RASL10B: variants seen among roughly 807,000 people sequenced by gnomAD.
RASL10B encodes ras-like protein family member 10B.
In RASL10B, 10 loss-of-function variants were observed where a neutral mutation model predicts 20.7. The ratio of observed to expected loss-of-function variants is 0.48; its 90% CI spans 0.30 to 0.82. The LOEUF is 0.82. RASL10B is among the 40% of genes least tolerant of loss of function. The pLI is 0.07. For missense variants in RASL10B, 231 were observed against 295.4 expected, an observed-to-expected ratio of 0.78 and a Z score of 1.60; for synonymous variants, 110 against 123.3, an observed-to-expected ratio of 0.89 and a Z score of 0.72.
rs781859015 is a variant in RASL10B, at chr17:35,735,273, G to C, written c.89G>C (p.Ser30Thr). The change falls in exon 2 of 4, where the codon AGC (serine) becomes ACC (threonine). Residue 30 changes from serine (S) to threonine (T), a missense_variant. Ser to Thr is a moderately conservative substitution (Grantham distance 58, BLOSUM62 1). Coordinates refer to ENST00000603017, the MANE Select transcript of RASL10B (RefSeq NM_033315.4). The surrounding 1 kb of genome is among the most constrained non-coding windows in gnomAD (Gnocchi z 6.7). ...IVRQFLYNEF[S>T]EVCVPTTARR... ...CGCCAGTTCTTGTACAACGAGTTCAGCGAGGTCTGCGTCCCCACCACCGCC... is the reference window on the plus strand; with the variant it reads ...CGCCAGTTCTTGTACAACGAGTTCACCGAGGTCTGCGTCCCCACCACCGCC... The C allele has an allele frequency of 6.2e-7, 1 of 1,613,886 alleles. No individual in the cohort carries two copies. Among genetic ancestry groups the C allele is most frequent in the Non-Finnish European group, 8.5e-7 (1 of 1,180,036 alleles).
rs1044459959 is a variant in RASL10B at position 35,743,260 on chromosome 17, G to A, written c.*1955G>A. On this transcript the variant is annotated 3_prime_UTR_variant, in exon 4 of 4. Transcript: ENST00000603017. The stretch of plus-strand genomic sequence containing the variant: ...CCATCACCAACTCTGAGGCACCTGG[G>A]GTGGGGGGGCGGAGCCCAGGCCTCT... The A allele has an allele frequency of 6.5e-6, 1 of 152,882 alleles. No homozygotes were observed. Among genetic ancestry groups the A allele is most frequent in the Non-Finnish European group, 1.5e-5 (1 of 68,208 alleles). The allele number at this position is 152,882 out of a possible 1,614,324, so 9.5% of individuals were successfully genotyped here. A position where few individuals can be genotyped will look rare whatever the true frequency, so the allele number is the denominator to read the frequency against.
At chr17:35,740,032 A>G (rs2085619599) in intron 2 of RASL10B, among the ~76,000 whole-genome samples, 1 of 152,202 alleles carries the variant, frequency 6.6e-6, no homozygotes, top group African/African-American at 2.4e-5. Flanking sequence ...ACCTTGGAAG[A>G]TAGAATTTTA....
In RASL10B at chr17:35,741,042, G is replaced by A. The variant is rs371318883; in HGVS notation, c.349G>A (p.Gly117Arg). Residue 117 changes from glycine (G) to arginine (R), a missense_variant, in exon 4 of 4, where the codon GGA becomes AGA. Physicochemically the swap from Gly to Arg is moderately radical, Grantham distance 125. Transcript: ENST00000603017. ...RQQILETRVI[G>R]TSETPIIIVG... is the part of the protein sequence containing the mutation. Reference sequence around the variant, plus strand: ...GCCTGCCTCGCCCCACAGGGTGATCGGAACCTCAGAGACGCCCATCATCAT... The same window carrying A: ...GCCTGCCTCGCCCCACAGGGTGATCAGAACCTCAGAGACGCCCATCATCAT... The A allele has an allele frequency of 7.5e-6, 12 of 1,600,242 alleles. No homozygotes were observed. The highest frequency in any genetic ancestry group is 1.7e-4 in the Middle Eastern group (1 of 6,042).
In RASL10B at chr17:35,741,523, G is replaced by A. The variant is rs1355729415; in HGVS notation, c.*218G>A. 4 of 639,340 alleles carry A rather than the reference G, an allele frequency of 6.3e-6. No individual in the cohort carries two copies. Among genetic ancestry groups the A allele is most frequent in the African/African-American group, 3.9e-5 (2 of 51,628 alleles). 39.6% of individuals were successfully genotyped at this position (639,340 alleles called of 1,614,324 possible). A position where few individuals can be genotyped will look rare whatever the true frequency, so the allele number is the denominator to read the frequency against. ...GCCCCCGTGGCTTCCTGGGACAGCC[G>A]CCTTCAGTGCTGTATTTAGTGCAGT... On this transcript the variant is annotated 3_prime_UTR_variant, in exon 4 of 4. Coordinates refer to ENST00000603017, the MANE Select transcript of RASL10B (RefSeq NM_033315.4).
chr17:35,741,176 G>A lies in RASL10B; in HGVS notation c.483G>A (p.Lys161=). ...GCGGCTACGTGGAATGCTCGGCCAA[G>A]TACAACTGGCACATCCTGCTGCTCT... ...WKCGYVECSA[K]YNWHILLLFS... Residue 161 remains lysine, a synonymous_variant, in exon 4 of 4, where the codon AAG becomes AAA. Coordinates refer to ENST00000603017, the MANE Select transcript of RASL10B (RefSeq NM_033315.4). 6.2e-7 allele frequency: 1 copy of A among 1,613,396 alleles called. No homozygotes were observed. Among genetic ancestry groups the A allele is most frequent in the Non-Finnish European group, 8.5e-7 (1 of 1,180,038 alleles).
intron 2 of RASL10B, among the ~76,000 whole-genome samples, chr17:35,738,082 G>T (rs1477900129): frequency 6.6e-6 from 1 of 152,126 alleles, no homozygotes; most frequent in Admixed American, 6.5e-5. Flanking sequence ...TTGACAATCT[G>T]AGAGATGAGA....
At chr17:35,733,311 C>G (rs1323980484) in intron 1 of RASL10B, among the ~76,000 whole-genome samples, 2 of 152,184 alleles carry the variant, frequency 1.3e-5, no homozygotes, top group African/African-American at 4.8e-5. Context: ...AACACCTACT[C>G]TGGCCTAGGC....
intron 1 of RASL10B, among the ~76,000 whole-genome samples, chr17:35,732,873 C>T (rs1482335353): frequency 1.3e-5 from 2 of 152,182 alleles, no homozygotes; most frequent in Non-Finnish European, 2.9e-5. Flanking sequence ...CTGAGTCTCT[C>T]TGCCATGCTG....
intron 2 of RASL10B, among the ~76,000 whole-genome samples, chr17:35,740,190 C>G (rs781898916): frequency 1.3e-5 from 2 of 152,214 alleles, no homozygotes; most frequent in Non-Finnish European, 2.9e-5. Context: ...TGCAGTGGCC[C>G]TGTAGATCAA....
intron 1 of RASL10B, among the ~76,000 whole-genome samples, chr17:35,733,362 T>C (rs2085571273): frequency 6.6e-6 from 1 of 152,184 alleles, no homozygotes; most frequent in Admixed American, 6.5e-5. Context: ...TTAATAAAGT[T>C]TCTTGCCCAA....
chr17:35,732,509 A>G (rs1231866551), intron 1 of RASL10B, among the ~76,000 whole-genome samples: 2 of 152,102 alleles, frequency 1.3e-5, no homozygotes, highest in Admixed American at 1.3e-4. Flanking sequence ...TAGATCCAGG[A>G]CCTCTGCCTG....
chr17:35,737,333 A>G (rs2085599368), intron 2 of RASL10B, among the ~76,000 whole-genome samples: 1 of 151,978 alleles, frequency 6.6e-6, no homozygotes, highest in Admixed American at 6.6e-5. Context: ...TTAACTTGCT[A>G]TTATAACCTG....
chr17:35,734,850 C>T (rs2085580148), intron 1 of RASL10B, among the ~76,000 whole-genome samples, 188 bp from the exon 2 acceptor site: 1 of 152,108 alleles, frequency 6.6e-6, no homozygotes, highest in African/African-American at 2.4e-5. Flanking sequence ...AGATTGGGCC[C>T]TACTACTGGA....
Position 35,735,356 on chromosome 17 carries a change from C to G in RASL10B, c.172C>G (p.Leu58Val), listed in dbSNP as rs144546093. 8.1e-5 allele frequency: 131 copies of G among 1,614,096 alleles called. No individual in the cohort carries two copies. Among genetic ancestry groups the G allele is most frequent in the Non-Finnish European group, 1.1e-4 (126 of 1,180,062 alleles). The change falls in exon 2 of 4, where the codon CTC becomes GTC. Residue 58 changes from leucine to valine, a missense_variant. Transcript: ENST00000603017. This position sits in a 1 kb window ranked among gnomAD's most constrained non-coding sequence, Gnocchi z 6.7. ...CGGCCACGTGCACGACCTCCAGATC[C>G]TCGACTTTCCACCCATCAGCGCCTT... Reference protein sequence around the residue: ...MNGHVHDLQILDFPPISAFPV... With the variant: ...MNGHVHDLQIVDFPPISAFPV...
At position 35,742,532 on chromosome 17, in the gene RASL10B, C is replaced by T. The variant is rs1418438885; in HGVS notation, c.*1227C>T. On this transcript the variant is annotated 3_prime_UTR_variant, in exon 4 of 4. Transcript: ENST00000603017. ...CTAACTCACTCCACCCCATTTTCTCCGGCTGCCTGGCCGGGTTTCTACCTC... is the reference window on the plus strand; with the variant it reads ...CTAACTCACTCCACCCCATTTTCTCTGGCTGCCTGGCCGGGTTTCTACCTC... 4.6e-5 allele frequency: 7 copies of T among 152,690 alleles called. No individual in the cohort carries two copies. The highest frequency in any genetic ancestry group is 1.4e-4 in the African/African-American group (6 of 41,444). 9.5% of individuals were successfully genotyped at this position (152,690 alleles called of 1,614,324 possible).
At chr17:35,740,187 G>A (rs1467685942) in intron 2 of RASL10B, among the ~76,000 whole-genome samples, 3 of 152,222 alleles carry the variant, frequency 2.0e-5, no homozygotes, top group African/African-American at 7.2e-5. Flanking sequence ...CAGTGCAGTG[G>A]CCCTGTAGAT....
rs2085629849 is a variant in RASL10B at position 35,741,584 on chromosome 17, G to A, written c.*279G>A. The A allele has an allele frequency of 4.9e-6, 2 of 405,202 alleles. No homozygotes were observed. The highest frequency in any genetic ancestry group is 8.5e-6 in the Non-Finnish European group (2 of 234,538). 25.1% of individuals were successfully genotyped at this position (405,202 alleles called of 1,614,324 possible). On this transcript the variant is annotated 3_prime_UTR_variant, in exon 4 of 4. Transcript: ENST00000603017. ...ACCCGCGGGGGTGCCACAGCCTTTT[G>A]GGATGGGGGTGAGCGTGCAATGGAG...
At chr17:35,740,220 C>G (rs2085621064) in intron 2 of RASL10B, among the ~76,000 whole-genome samples, 189 bp from the exon 3 acceptor site, 1 of 152,216 alleles carries the variant, frequency 6.6e-6, no homozygotes, top group South Asian at 2.1e-4. Flanking sequence ...CCTGCTCCAT[C>G]CTGGCTTGGG....
chr17:35,736,704 G>GC (rs1227049176), intron 2 of RASL10B: 5 of 151,934 alleles, frequency 3.3e-5, no homozygotes, highest in African/African-American at 1.2e-4. Flanking sequence ...CTTGATTCCT[G>GC]CCCCACTCTC....
Sources: gnomAD v4.1 joint callset for allele counts (sites outside exome capture counted in the v4.1 genomes callset) on GRCh38, gnomAD v4.1.1 for gene constraint, Gnocchi (gnomAD v3.1) non-coding constraint, MANE v1.5 for transcripts, NCBI Gene and HGNC (gene_info 2026-07-23, HGNC 2026-07-21) for gene names.